Variants in NIN observed in about 807,000 individuals in gnomAD.
NIN encodes the protein glycogen synthase kinase 3 beta-interacting protein.
NIN carries 137 observed loss-of-function variants against 257.6 expected under a neutral mutation model. The observed-to-expected ratio is 0.53, with a 90% CI of 0.46 to 0.61. NIN has a LOEUF of 0.61. Among genes scored for constraint, NIN ranks in the 20% least tolerant of loss-of-function variants. The pLI, the probability that NIN is intolerant of heterozygous loss-of-function variation, is 0.00. For synonymous variants in NIN, 918 were observed against 919.8 expected, an observed-to-expected ratio of 1.00 and a Z score of 0.04; for missense variants, 2,439 against 2,501.2, an observed-to-expected ratio of 0.98 and a Z score of 0.53.
rs61740256 is a variant in NIN, at chr14:50,758,420, C to T, written c.2610G>A (p.Ala870=). The T allele has an allele frequency of 1.7e-5, 28 of 1,613,876 alleles. No individual in the cohort carries two copies. Among genetic ancestry groups the T allele is most frequent in the South Asian group, 1.5e-4 (14 of 91,082 alleles). ...FEKDELTQEC[A]EAQELLKETL... ...TCTCTTTCAGCAGCTCCTGGGCTTC[C>T]GCACACTCCTGGGTGAGCTCGTCCT... The change falls in exon 18 of 31, where the codon GCG becomes GCA. Residue 870 remains alanine (A), a synonymous_variant. Transcript: ENST00000530997.
chr14:50,808,653 C>G (rs1437926023), intron 3 of NIN, among the ~76,000 whole-genome samples: 1 of 152,166 alleles, frequency 6.6e-6, no homozygotes, highest in Non-Finnish European at 1.5e-5. Context: ...GTACTTGGCC[C>G]TGGTGACACA....
chr14:50,756,541 C>A lies in NIN; in HGVS notation c.4489G>T (p.Asp1497Tyr). 1 of 1,612,864 alleles carries A rather than the reference C, an allele frequency of 6.2e-7. No homozygotes were observed. The highest frequency in any genetic ancestry group is 1.1e-5 in the South Asian group (1 of 90,874). The change falls in exon 18 of 31, where the codon GAC (aspartate) becomes TAC (tyrosine). Residue 1497 changes from aspartate (D) to tyrosine (Y), a missense_variant. By Grantham distance (160) the Asp-to-Tyr change is radical (BLOSUM62 -3). Coordinates refer to ENST00000530997, the MANE Select transcript of NIN (RefSeq NM_020921.4). ...KEEELKAMMHDLQITCSEMQQ... is the reference protein window; with the variant it reads ...KEEELKAMMHYLQITCSEMQQ... The stretch of plus-strand genomic sequence containing the variant: ...ATCTCACTGCACGTGATCTGCAAGT[C>A]ATGCATCATTGCCTTCAGCTCTTCC...
At chr14:50,826,203 T>C (rs561773539) in intron 2 of NIN, among the ~76,000 whole-genome samples, 16 of 152,352 alleles carry the variant, frequency 1.1e-4, no homozygotes, top group African/African-American at 3.8e-4. Flanking sequence ...GAAATTCTAC[T>C]TCAAATTGCA....
At chr14:50,824,632 T>A (rs1056404966) in intron 2 of NIN, among the ~76,000 whole-genome samples, 1 of 152,216 alleles carries the variant, frequency 6.6e-6, no homozygotes, top group Non-Finnish European at 1.5e-5. Flanking sequence ...AGATCCACGC[T>A]CCTATTTCTT....
rs1242865287 is a variant in NIN, at chr14:50,771,321, G to A, written c.1118+11C>T. 6.2e-7 allele frequency: 1 copy of A among 1,613,264 alleles called. No individual in the cohort carries two copies. Among genetic ancestry groups the A allele is most frequent in the African/African-American group, 1.3e-5 (1 of 74,878 alleles). ...AGGGAATGGGGCAGGCGAACCTTCT[G>A]CTCAACTCACAACAAATGCCGGATT... On this transcript the variant is annotated intron_variant, in intron 10 of 30. Transcript: ENST00000530997.
At chr14:50,820,537 T>C (rs1391441501) in intron 3 of NIN, among the ~76,000 whole-genome samples, 1 of 152,180 alleles carries the variant, frequency 6.6e-6, no homozygotes, top group African/African-American at 2.4e-5. Context: ...TACTGGGAGA[T>C]GCCAGTTTTT....
intron 5 of NIN, among the ~76,000 whole-genome samples, chr14:50,789,746 C>G (rs1358810703): frequency 6.6e-6 from 1 of 152,202 alleles, no homozygotes; most frequent in Admixed American, 6.5e-5. Context: ...CCTAAGAGAC[C>G]TGCACAGCTT....
At chr14:50,827,842 C>T (rs771273349) in intron 2 of NIN, among the ~76,000 whole-genome samples, 2 of 151,188 alleles carry the variant, frequency 1.3e-5, no homozygotes, top group Non-Finnish European at 2.9e-5. Context: ...ATCCTATCAG[C>T]GTTTATTCGA....
At chr14:50,782,775 T>C (rs529684365) in intron 5 of NIN, among the ~76,000 whole-genome samples, 26 of 152,356 alleles carry the variant, frequency 1.7e-4, no homozygotes, top group African/African-American at 6.0e-4. Flanking sequence ...TTGGTAAATA[T>C]TGCTCTGCAG....
chr14:50,799,121 G>A (rs1024708878), intron 4 of NIN, among the ~76,000 whole-genome samples: 6 of 152,160 alleles, frequency 3.9e-5, no homozygotes, highest in East Asian at 3.8e-4. Flanking sequence ...TTACCTACCC[G>A]GATAGACTAT....
Position 50,753,954 on chromosome 14 carries a change from A to T in NIN, c.4734+609T>A, listed in dbSNP as rs1180529526. ...AACTGGATTTTCCCATTTATTTGTAAGAGTCCAAAATACATTTTGGATGTT... is the reference window on the plus strand; with the variant it reads ...AACTGGATTTTCCCATTTATTTGTATGAGTCCAAAATACATTTTGGATGTT... On this transcript the variant is annotated intron_variant, in intron 20 of 30. Transcript: ENST00000530997. 5.9e-5 allele frequency among the ~76,000 whole-genome samples: 9 copies of T among 152,258 alleles called. No homozygotes were observed. In the East Asian group the frequency reaches 1.2e-3, roughly 20 times the overall value.
intron 28 of NIN, among the ~76,000 whole-genome samples, chr14:50,732,851 C>T (rs1307867031): frequency 3.3e-5 from 5 of 151,980 alleles, no homozygotes; most frequent in Admixed American, 3.3e-4. Context: ...CCTCAGCCTC[C>T]TGAGTAGCTG....
In NIN at chr14:50,805,599, G is replaced by A. The variant is rs532838965; in HGVS notation, c.265+1138C>T. On this transcript the variant is annotated intron_variant, in intron 4 of 30. Coordinates refer to ENST00000530997, the MANE Select transcript of NIN (RefSeq NM_020921.4). ...AAGAACTAGATCACCCGGCAAGGGT[G>A]AGAAATGAGCTCCCATCTGTGCCTC... Among the ~76,000 whole-genome samples, 12 of 152,220 alleles carry A rather than the reference G, an allele frequency of 7.9e-5. No individual in the cohort carries two copies. The East Asian group carries it at 9.6e-4, about 12-fold the overall frequency.
intron 29 of NIN, 65 bp downstream of exon 29, chr14:50,729,458 G>A: frequency 6.8e-7 from 1 of 1,464,098 alleles, no homozygotes; most frequent in Non-Finnish European, 9.4e-7. Flanking sequence ...CTTTGAACTG[G>A]TATAACTTTC....
intron 25 of NIN, 67 bp downstream of exon 25, chr14:50,741,515 A>ATTT: frequency 1.2e-6 from 1 of 808,792 alleles, no homozygotes. Context: ...AAAATAACCA[A>ATTT]GTTGTCCTAA....
At chr14:50,736,278 G>A (rs1384845983) in intron 27 of NIN, among the ~76,000 whole-genome samples, 5 of 151,708 alleles carry the variant, frequency 3.3e-5, no homozygotes, top group African/African-American at 9.7e-5. Flanking sequence ...GACTACAGGT[G>A]TGCACCACTG....
rs777237077 is a variant in NIN at position 50,757,042 on chromosome 14, C to T, written c.3988G>A (p.Gly1330Ser). 4.8e-5 allele frequency: 78 copies of T among 1,613,496 alleles called. No individual in the cohort carries two copies. The highest frequency in any genetic ancestry group is 6.1e-5 in the Non-Finnish European group (72 of 1,179,828). The change falls in exon 18 of 31, where the codon GGC becomes AGC. Residue 1330 changes from glycine to serine, a missense_variant. By Grantham distance (56) the Gly-to-Ser change is moderately conservative (BLOSUM62 0). Coordinates refer to ENST00000530997, the MANE Select transcript of NIN (RefSeq NM_020921.4). ...GLNVLVLRLQGKIEKLQESVV... is the reference protein window; with the variant it reads ...GLNVLVLRLQSKIEKLQESVV... ...CTTTCCTGAAGCTTCTCAATCTTGC[C>T]TTGAAGTCTCAAAACCAGAACATTC...
chr14:50,814,076 A>G (rs2044764514), intron 3 of NIN, among the ~76,000 whole-genome samples: 1 of 152,124 alleles, frequency 6.6e-6, no homozygotes, highest in Non-Finnish European at 1.5e-5. Flanking sequence ...TTAACTTCAT[A>G]TTATTATATT....
At chr14:50,782,856 T>G (rs1203687653) in intron 5 of NIN, among the ~76,000 whole-genome samples, 1 of 152,198 alleles carries the variant, frequency 6.6e-6, no homozygotes. Context: ...CTGGTGAATG[T>G]TGGATGCCAA....
Sources: gnomAD v4.1 joint callset for allele counts (sites outside exome capture counted in the v4.1 genomes callset) on GRCh38, gnomAD v4.1.1 for gene constraint, MANE v1.5 for transcripts, NCBI Gene and HGNC (gene_info 2026-07-23, HGNC 2026-07-21) for gene names.